The following DPP10 variants were observed in gnomAD, a reference collection of about 807,000 sequenced individuals.
DPP10 encodes the protein inactive dipeptidyl peptidase 10.
DPP10 carries 33 observed loss-of-function variants against 120.9 expected under a neutral mutation model. The observed-to-expected ratio is 0.27, with a 90% CI of 0.21 to 0.37. The LOEUF (loss-of-function observed/expected upper bound fraction) is 0.37. DPP10 is among the 10% of genes least tolerant of loss of function. The probability of loss-of-function intolerance (pLI) is 1.00; values close to 1 mark genes in which losing one functional copy is unlikely to be tolerated. For synonymous variants in DPP10, 337 were observed against 326.1 expected, an observed-to-expected ratio of 1.03 and a Z score of -0.36; for missense variants, 816 against 942.8, an observed-to-expected ratio of 0.87 and a Z score of 1.76.
intron 5 of DPP10, among the ~76,000 whole-genome samples, chr2:115,600,171 G>A (rs2083238105): frequency 6.6e-6 from 1 of 152,022 alleles, no homozygotes; most frequent in Non-Finnish European, 1.5e-5. Context: ...TTTACGCTAT[G>A]CTGCCCCAAG....
At chr2:114,620,526 C>G (rs1694013145) in intron 1 of DPP10, among the ~76,000 whole-genome samples, 1 of 151,922 alleles carries the variant, frequency 6.6e-6, no homozygotes, top group South Asian at 2.1e-4. Context: ...GTAAAAAAAC[C>G]TATTATAGAG....
At chr2:115,064,881 T>C (rs1706717153) in intron 1 of DPP10, 2 of 1,277,460 alleles carry the variant, frequency 1.6e-6, no homozygotes, top group Non-Finnish European at 2.1e-6. Flanking sequence ...TATTTTATTC[T>C]CTTGTACTGA....
intron 3 of DPP10, among the ~76,000 whole-genome samples, chr2:115,394,964 T>C (rs763460689): frequency 6.6e-6 from 1 of 152,152 alleles, no homozygotes; most frequent in Non-Finnish European, 1.5e-5. Flanking sequence ...GATGGAAAAA[T>C]AAGTGAGTTC....
intron 5 of DPP10, among the ~76,000 whole-genome samples, chr2:115,666,359 A>T (rs1559001332): frequency 1.3e-5 from 2 of 152,120 alleles, no homozygotes; most frequent in Non-Finnish European, 2.9e-5. Context: ...AAGAACCAAC[A>T]GGGGAAACCC....
At chr2:115,544,812 A>T (rs1244946798) in intron 5 of DPP10, among the ~76,000 whole-genome samples, 3 of 151,994 alleles carry the variant, frequency 2.0e-5, no homozygotes, top group Admixed American at 1.3e-4. Context: ...GGTGGTGGTG[A>T]ATTGATTTCA....
intron 4 of DPP10, among the ~76,000 whole-genome samples, chr2:115,503,430 G>A (rs1352395650): frequency 6.6e-6 from 1 of 152,096 alleles, no homozygotes; most frequent in African/African-American, 2.4e-5. Context: ...TTGTGTTTGA[G>A]TAAATAGGTG....
chr2:115,640,480 C>T (rs75563508), intron 5 of DPP10, among the ~76,000 whole-genome samples: 1 of 150,284 alleles, frequency 6.7e-6, no homozygotes, highest in Non-Finnish European at 1.5e-5. Context: ...AAAAAAAAAA[C>T]GACATCTTGA....
chr2:115,614,637 C>G (rs2084358213), intron 5 of DPP10, among the ~76,000 whole-genome samples: 2 of 152,154 alleles, frequency 1.3e-5, no homozygotes, highest in South Asian at 4.1e-4. Context: ...GTTGGCCAGG[C>G]TGGTCTGAAA....
intron 1 of DPP10, among the ~76,000 whole-genome samples, chr2:114,776,523 A>G (rs1005923667): frequency 3.9e-5 from 6 of 152,174 alleles, no homozygotes; most frequent in South Asian, 4.1e-4. Context: ...AGCTAGCGCT[A>G]GATCTGAGTG....
At chr2:115,531,481 T>C (rs1254501085) in intron 5 of DPP10, among the ~76,000 whole-genome samples, 3 of 152,100 alleles carry the variant, frequency 2.0e-5, no homozygotes, top group Non-Finnish European at 4.4e-5. Flanking sequence ...TCTTTAGTTT[T>C]TCACAATTAT....
chr2:115,222,337 A>T (rs2057214822), intron 1 of DPP10, among the ~76,000 whole-genome samples: 1 of 152,180 alleles, frequency 6.6e-6, no homozygotes, highest in Non-Finnish European at 1.5e-5. Context: ...ATCATAATTG[A>T]TATGATTTGG....
intron 3 of DPP10, among the ~76,000 whole-genome samples, chr2:115,465,078 A>G (rs1394667474): frequency 6.6e-6 from 1 of 152,164 alleles, no homozygotes; most frequent in Non-Finnish European, 1.5e-5. Context: ...TTTAAAAAGC[A>G]ACAATATAAA....
chr2:115,222,782 T>A lies in DPP10; in HGVS notation c.61-86457T>A, dbSNP rs368874084. On this transcript the variant is annotated intron_variant, in intron 1 of 25. Transcript: ENST00000410059. ...AAAATTTAATTAATTTGCCCAAATTTGTCCTAAAGAGTCAGCATTAGTATC... is the reference window on the plus strand; with the variant it reads ...AAAATTTAATTAATTTGCCCAAATTAGTCCTAAAGAGTCAGCATTAGTATC... 6.6e-5 allele frequency among the ~76,000 whole-genome samples: 10 copies of A among 152,292 alleles called. No individual in the cohort carries two copies. The East Asian group carries it at 1.9e-3, about 29-fold the overall frequency.
At chr2:114,989,857 GT>G (rs1406697848) in intron 1 of DPP10, among the ~76,000 whole-genome samples, 5 of 152,136 alleles carry the variant, frequency 3.3e-5, no homozygotes, top group Admixed American at 6.6e-5. Context: ...AAGTGCTCTT[GT>G]TATCCCTATA....
At chr2:114,983,410 T>C (rs1700205790) in intron 1 of DPP10, among the ~76,000 whole-genome samples, 1 of 152,230 alleles carries the variant, frequency 6.6e-6, no homozygotes, top group Non-Finnish European at 1.5e-5. Context: ...CACTGTTGAA[T>C]ATTTCTTAAA....
intron 1 of DPP10, among the ~76,000 whole-genome samples, chr2:114,895,539 C>T (rs1430427741): frequency 6.6e-6 from 1 of 152,136 alleles, no homozygotes; most frequent in East Asian, 1.9e-4. Context: ...TGGGCAGATG[C>T]CAAAGGAGAT....
intron 19 of DPP10, among the ~76,000 whole-genome samples, chr2:115,807,779 C>A (rs1686172180): frequency 7.4e-6 from 1 of 134,302 alleles, no homozygotes. Context: ...AATACCCAAA[C>A]TTGGAGATCA....
At chr2:115,382,091 T>A in intron 3 of DPP10, among the ~76,000 whole-genome samples, 1 of 150,842 alleles carries the variant, frequency 6.6e-6, no homozygotes, top group Non-Finnish European at 1.5e-5. Context: ...CCAGTTCAGT[T>A]GGAGCTTCCC....
At chr2:115,275,826 A>G (rs1221018315) in intron 1 of DPP10, among the ~76,000 whole-genome samples, 1 of 150,864 alleles carries the variant, frequency 6.6e-6, no homozygotes, top group Non-Finnish European at 1.5e-5. Context: ...CAGCCTCCCG[A>G]GTAGCTGGGA....
Sources: allele counts gnomAD v4.1 joint callset (sites outside exome capture counted in the v4.1 genomes callset), GRCh38; gene constraint gnomAD v4.1.1; transcripts MANE v1.5; gene names NCBI Gene and HGNC (gene_info 2026-07-23, HGNC 2026-07-21).